The following GOLT1B variants were observed in gnomAD, a reference collection of about 807,000 sequenced individuals.
GOLT1B encodes the protein vesicle transport protein GOT1B.
A neutral mutation model predicts 15.4 loss-of-function variants in GOLT1B; 3 were observed. The ratio of observed to expected loss-of-function variants is 0.19; its 90% confidence interval spans 0.09 to 0.50. GOLT1B has a LOEUF of 0.50. Among genes scored for constraint, GOLT1B ranks in the 20% least tolerant of loss-of-function variants. GOLT1B has a pLI of 0.97. For missense variants in GOLT1B, 145 were observed against 160.4 expected (o/e 0.90, Z 0.52); for synonymous variants, 65 against 56.2 (o/e 1.16, Z -0.70).
chr12:21,502,357 A>G (rs1310152712), intron 1 of GOLT1B, among the ~76,000 whole-genome samples: 8 of 152,144 alleles, frequency 5.3e-5, no homozygotes, highest in Non-Finnish European at 1.5e-5. Flanking sequence ...GGTCCTCTAC[A>G]AGTCCCTGGC....
At chr12:21,508,593 C>T in intron 3 of GOLT1B, 32 bp downstream of exon 3, 2 of 1,047,608 alleles carry the variant, frequency 1.9e-6, no homozygotes, top group Non-Finnish European at 2.9e-6. Flanking sequence ...TTCAGTAAAT[C>T]AGTGTGTCAG....
intron 4 of GOLT1B, among the ~76,000 whole-genome samples, chr12:21,514,732 G>A (rs1451731606): frequency 1.3e-5 from 2 of 152,098 alleles, no homozygotes; most frequent in Non-Finnish European, 2.9e-5. Flanking sequence ...GAAACTTCTA[G>A]TTACAGAGTT....
intron 1 of GOLT1B, among the ~76,000 whole-genome samples, chr12:21,506,326 T>G (rs1943678400): frequency 6.6e-6 from 1 of 152,046 alleles, no homozygotes; most frequent in African/African-American, 2.4e-5. Flanking sequence ...TTGAGAATAC[T>G]GGTACCATGA....
At chr12:21,514,192 G>A (rs1291958488) in intron 4 of GOLT1B, among the ~76,000 whole-genome samples, 2 of 152,142 alleles carry the variant, frequency 1.3e-5, no homozygotes, top group Admixed American at 6.5e-5. Context: ...TGGTTTCATA[G>A]ATCCAACTCT....
At chr12:21,507,554 A>G (rs1439442777) in intron 2 of GOLT1B, among the ~76,000 whole-genome samples, 1 of 151,756 alleles carries the variant, frequency 6.6e-6, no homozygotes, top group Non-Finnish European at 1.5e-5. Flanking sequence ...ACACACACAT[A>G]TATATTTGGG....
At chr12:21,511,600 A>T (rs1176479246) in intron 3 of GOLT1B, among the ~76,000 whole-genome samples, 1 of 152,208 alleles carries the variant, frequency 6.6e-6, no homozygotes. Context: ...GCTGCCAACC[A>T]TTGATGATAA....
intron 4 of GOLT1B, among the ~76,000 whole-genome samples, chr12:21,513,511 G>A (rs1335945325): frequency 6.6e-6 from 1 of 150,854 alleles, no homozygotes; most frequent in African/African-American, 2.5e-5. Flanking sequence ...CTTTGTTTTT[G>A]TTTTTTCTTA....
At chr12:21,505,827 A>G (rs116980507) in intron 1 of GOLT1B, among the ~76,000 whole-genome samples, 4,153 of 152,204 alleles carry the variant, frequency 0.027, 76 homozygotes, top group Non-Finnish European at 0.041. Context: ...TGTGCTTCTA[A>G]CTAAACTACG....
intron 1 of GOLT1B, among the ~76,000 whole-genome samples, chr12:21,506,102 A>C (rs1309239314): frequency 6.6e-6 from 1 of 152,164 alleles, no homozygotes; most frequent in Non-Finnish European, 1.5e-5. Context: ...CAGTTGATCA[A>C]CAATTCTTTG....
At chr12:21,513,069 TCAAAAA>T (rs1565582966) in intron 4 of GOLT1B, among the ~76,000 whole-genome samples, 1 of 36,300 alleles carries the variant, frequency 2.8e-5, no homozygotes, top group Admixed American at 3.3e-4. Flanking sequence ...AGACCCTGTC[TCAAAAA>T]AAAAAAAAAA....
Position 21,517,317 on chromosome 12 carries a change from TG to T in GOLT1B, c.*1613del, listed in dbSNP as rs1227605098. 6.6e-6 allele frequency: 1 copy of T among 152,390 alleles called. No homozygotes were observed. Among genetic ancestry groups the T allele is most frequent in the Non-Finnish European group, 1.5e-5 (1 of 67,852 alleles). The allele number at this position is 152,390 out of a possible 1,614,324, so 9.4% of individuals were successfully genotyped here. On this transcript the variant is annotated 3_prime_UTR_variant, in exon 5 of 5. Transcript: ENST00000229314. ...TTGACTTACGATGTATCTGTGAAAA[TG>T]GGATGATATTGACAAATGGAGACTC...
rs140311570 is a variant in GOLT1B, at chr12:21,515,777, A to G, written c.*70A>G. The G allele has an allele frequency of 1.3e-4, 98 of 755,458 alleles. No homozygotes were observed. The African/African-American group carries it at 1.5e-3, about 12-fold the overall frequency. The allele number at this position is 755,458 out of a possible 1,614,324, so 46.8% of individuals were successfully genotyped here. On this transcript the variant is annotated 3_prime_UTR_variant, in exon 5 of 5. Transcript: ENST00000229314. ...TAAAGTCATTTGAAGAATATTCAGC[A>G]CAAAATTAAATTACATGAAATAGCT...
Position 21,513,070 on chromosome 12 carries a change from C to CA in GOLT1B, c.378+716dup, listed in dbSNP as rs58392364. Among the ~76,000 whole-genome samples the CA allele has an allele frequency of 2.7e-3, 296 of 110,396 alleles. 3 individuals carry two copies. The highest frequency in any genetic ancestry group is 8.6e-3 in the African/African-American group (250 of 28,906). The allele number at this position is 110,396 out of a possible 152,430, so 72.4% of individuals were successfully genotyped here. Reference sequence around the variant, plus strand: ...TGGGTGACACAGTAAGACCCTGTCTCAAAAAAAAAAAAAAAAAAAAAAGAG... The same window carrying CA: ...TGGGTGACACAGTAAGACCCTGTCTCAAAAAAAAAAAAAAAAAAAAAAAGAG... On this transcript the variant is annotated intron_variant, in intron 4 of 4. Transcript: ENST00000229314.
In GOLT1B at chr12:21,516,094, T is replaced by A. The variant is rs1591764593; in HGVS notation, c.*387T>A. ...TCCATAGGCATTTGCTTTTTAGAAATGTCCACTGCAATGGCAAAAATATTT... is the reference window on the plus strand; with the variant it reads ...TCCATAGGCATTTGCTTTTTAGAAAAGTCCACTGCAATGGCAAAAATATTT... On this transcript the variant is annotated 3_prime_UTR_variant, in exon 5 of 5. Transcript: ENST00000229314. The A allele has an allele frequency of 6.2e-6, 1 of 160,972 alleles. No individual in the cohort carries two copies. Among genetic ancestry groups the A allele is most frequent in the Non-Finnish European group, 1.3e-5 (1 of 74,116 alleles). The allele number at this position is 160,972 out of a possible 1,614,324, so 10.0% of individuals were successfully genotyped here.
Position 21,511,868 on chromosome 12 carries a change from AC to A in GOLT1B, c.297-425del, listed in dbSNP as rs544336984. On this transcript the variant is annotated intron_variant, in intron 3 of 4. Transcript: ENST00000229314. Reference sequence around the variant, plus strand: ...TTAACTTCTGTAGACTTGTATTTCTACCAAGAAAGAATGAGACATACTGTGA... The same window carrying A: ...TTAACTTCTGTAGACTTGTATTTCTACAAGAAAGAATGAGACATACTGTGA... 3.3e-3 allele frequency among the ~76,000 whole-genome samples: 500 copies of A among 152,338 alleles called. 5 individuals carry two copies. Among genetic ancestry groups the A allele is most frequent in the African/African-American group, 0.012 (481 of 41,576 alleles).
rs1221846521 is a variant in GOLT1B, at chr12:21,517,301, G to A, written c.*1594G>A. ...TTTTTGGTACTTGCATTTGACTTAC[G>A]ATGTATCTGTGAAAATGGGATGATA... On this transcript the variant is annotated 3_prime_UTR_variant, in exon 5 of 5. Transcript: ENST00000229314. The A allele has an allele frequency of 6.6e-6, 1 of 152,350 alleles. No homozygotes were observed. The highest frequency in any genetic ancestry group is 6.6e-5 in the Admixed American group (1 of 15,254). 9.4% of individuals were successfully genotyped at this position (152,350 alleles called of 1,614,324 possible).
intron 2 of GOLT1B, chr12:21,507,820 A>T (rs1399865940): frequency 2.7e-6 from 1 of 365,848 alleles, no homozygotes; most frequent in African/African-American, 2.2e-5. Flanking sequence ...TTGAAAACAC[A>T]TGGTTGTATT....
At chr12:21,508,223 C>G in intron 2 of GOLT1B, 160 bp from the exon 3 acceptor site, 1 of 589,766 alleles carries the variant, frequency 1.7e-6, no homozygotes, top group East Asian at 2.9e-5. Context: ...CTCCTTGGTT[C>G]TGCTGCTTGG....
chr12:21,511,689 A>G (rs1273168344), intron 3 of GOLT1B, among the ~76,000 whole-genome samples: 1 of 152,222 alleles, frequency 6.6e-6, no homozygotes, highest in Non-Finnish European at 1.5e-5. Flanking sequence ...AATGAGGTCA[A>G]AGACCAAATA....
Sources: gnomAD v4.1 joint callset for allele counts (sites outside exome capture counted in the v4.1 genomes callset) on GRCh38, gnomAD v4.1.1 for gene constraint, MANE v1.5 for transcripts, NCBI Gene and HGNC (gene_info 2026-07-23, HGNC 2026-07-21) for gene names.